The following TBC1D14 variants were observed in gnomAD, a reference collection of about 807,000 sequenced individuals.
TBC1D14 encodes TBC1 domain family member 14.
Under a neutral mutation model 79.0 loss-of-function variants are expected in TBC1D14, and 26 were observed. The observed-to-expected ratio is 0.33, with a 90% CI of 0.24 to 0.46. The LOEUF is 0.46. Ranked by LOEUF, TBC1D14 falls within the 20% of genes least tolerant of loss-of-function variation. TBC1D14 has a pLI of 1.00. For missense variants in TBC1D14, 769 were observed against 887.6 expected (o/e 0.87, Z 1.70); for synonymous variants, 394 against 349.9 (o/e 1.13, Z -1.40).
chr4:6,944,700 G>A (rs1277984101), intron 2 of TBC1D14, among the ~76,000 whole-genome samples: 1 of 152,174 alleles, frequency 6.6e-6, no homozygotes, highest in African/African-American at 2.4e-5. Flanking sequence ...GTCCTCCCCG[G>A]GTCCTCTGGT....
At chr4:7,029,238 A>C (rs1459920787) in intron 13 of TBC1D14, among the ~76,000 whole-genome samples, 1 of 152,210 alleles carries the variant, frequency 6.6e-6, no homozygotes, top group Non-Finnish European at 1.5e-5. Flanking sequence ...CCTTTTCTGC[A>C]CCTTAATTGA....
chr4:7,002,627 G>A (rs919252503), intron 7 of TBC1D14, among the ~76,000 whole-genome samples: 1 of 152,116 alleles, frequency 6.6e-6, no homozygotes, highest in Non-Finnish European at 1.5e-5. Flanking sequence ...CGCTAGCACT[G>A]GTACTCAGGA....
At chr4:6,957,067 C>G (rs568375616) in intron 2 of TBC1D14, among the ~76,000 whole-genome samples, 4 of 152,240 alleles carry the variant, frequency 2.6e-5, no homozygotes, top group African/African-American at 7.2e-5. Context: ...GGAGCCACAT[C>G]GCTTGCTGTG....
chr4:6,994,732 G>A (rs1168737100), intron 4 of TBC1D14, among the ~76,000 whole-genome samples: 5 of 151,918 alleles, frequency 3.3e-5, no homozygotes, highest in African/African-American at 1.2e-4. Flanking sequence ...GTGGTGATGG[G>A]TGCCGTAATC....
chr4:7,007,092 G>A (rs1391668762), intron 9 of TBC1D14, among the ~76,000 whole-genome samples: 1 of 152,212 alleles, frequency 6.6e-6, no homozygotes, highest in East Asian at 1.9e-4. Context: ...CGCTCAGCAA[G>A]GCCATGTTGG....
At chr4:6,934,636 C>T (rs35170004) in intron 2 of TBC1D14, among the ~76,000 whole-genome samples, 11,228 of 149,324 alleles carry the variant, frequency 0.075, 578 homozygotes, top group Middle Eastern at 0.15. Context: ...CCAGCATGGG[C>T]GACAGAGCGA....
chr4:7,029,320 G>A (rs1483916742), intron 13 of TBC1D14, among the ~76,000 whole-genome samples: 1 of 152,244 alleles, frequency 6.6e-6, no homozygotes, highest in Admixed American at 6.5e-5. Flanking sequence ...AGGTAGCACT[G>A]TGTTACCAAG....
intron 3 of TBC1D14, among the ~76,000 whole-genome samples, chr4:6,991,244 G>A (rs28380685): frequency 0.44 from 66,689 of 152,028 alleles, 15,243 homozygotes; most frequent in East Asian, 0.61. Flanking sequence ...TTGAGGTTTC[G>A]GTCACGGTTG....
At chr4:6,999,268 C>A in intron 6 of TBC1D14, 66 bp downstream of exon 6, 1 of 1,396,542 alleles carries the variant, frequency 7.2e-7, no homozygotes, top group Non-Finnish European at 1.0e-6. Flanking sequence ...TGGGCCACAG[C>A]TGTAGTCGTC....
intron 2 of TBC1D14, among the ~76,000 whole-genome samples, chr4:6,933,439 G>A (rs1047997959): frequency 4.0e-5 from 6 of 151,120 alleles, no homozygotes; most frequent in Non-Finnish European, 7.4e-5. Context: ...GGAACAACTA[G>A]GATCACAGAC....
intron 3 of TBC1D14, among the ~76,000 whole-genome samples, chr4:6,984,416 A>C (rs1717640628): frequency 6.6e-6 from 1 of 152,188 alleles, no homozygotes; most frequent in African/African-American, 2.4e-5. Context: ...GTGTGCATAG[A>C]AAAAAGCCAG....
At chr4:6,974,533 C>G (rs1450665076) in intron 3 of TBC1D14, among the ~76,000 whole-genome samples, 2 of 152,296 alleles carry the variant, frequency 1.3e-5, no homozygotes, top group South Asian at 2.1e-4. Flanking sequence ...GAGAACTCAT[C>G]TCTGGGATAG....
At chr4:7,000,279 C>A (rs1190905487) in intron 6 of TBC1D14, among the ~76,000 whole-genome samples, 2 of 152,138 alleles carry the variant, frequency 1.3e-5, no homozygotes, top group Admixed American at 1.3e-4. Context: ...GCATTGCATG[C>A]AGACCCACAG....
At chr4:6,940,505 G>A (rs1054194473) in intron 2 of TBC1D14, among the ~76,000 whole-genome samples, 5 of 152,090 alleles carry the variant, frequency 3.3e-5, no homozygotes, top group Non-Finnish European at 5.9e-5. Context: ...GGTATAGCGG[G>A]GAGGGCCCTG....
chr4:6,972,424 C>T (rs1716306012), intron 3 of TBC1D14, among the ~76,000 whole-genome samples: 1 of 152,170 alleles, frequency 6.6e-6, no homozygotes, highest in South Asian at 2.1e-4. Context: ...AGCAGCATTA[C>T]CCCGGCTCCT....
intron 3 of TBC1D14, among the ~76,000 whole-genome samples, chr4:6,976,041 C>T (rs992385213): frequency 6.6e-6 from 1 of 152,140 alleles, no homozygotes; most frequent in Admixed American, 6.5e-5. Flanking sequence ...TGCAGTGAGC[C>T]GAGATCGTGC....
At chr4:6,962,359 G>A (rs529720586) in intron 2 of TBC1D14, among the ~76,000 whole-genome samples, 3 of 152,182 alleles carry the variant, frequency 2.0e-5, no homozygotes, top group African/African-American at 7.2e-5. Flanking sequence ...TTGGAGGCAG[G>A]GCACCTACAG....
chr4:7,014,052 A>G (rs1721049736), intron 11 of TBC1D14, among the ~76,000 whole-genome samples: 1 of 152,186 alleles, frequency 6.6e-6, no homozygotes, highest in African/African-American at 2.4e-5. Flanking sequence ...CCCGGCCTCC[A>G]GATACTTTTA....
intron 3 of TBC1D14, among the ~76,000 whole-genome samples, chr4:6,980,973 C>G (rs1444993999): frequency 6.6e-6 from 1 of 151,808 alleles, no homozygotes; most frequent in African/African-American, 2.4e-5. Flanking sequence ...CCTTGGCCTC[C>G]CAAAGTGCTG....
Sources: gnomAD v4.1 joint callset for allele counts (sites outside exome capture counted in the v4.1 genomes callset) on GRCh38, gnomAD v4.1.1 for gene constraint, MANE v1.5 for transcripts, NCBI Gene and HGNC (gene_info 2026-07-23, HGNC 2026-07-21) for gene names.